The following CUX1 variants were observed in gnomAD, a reference collection of about 807,000 sequenced individuals.
CUX1 encodes protein CASP.
Under a neutral mutation model 158.8 loss-of-function variants are expected in CUX1, and 31 were observed. The observed-to-expected ratio is 0.20, with a 90% CI of 0.15 to 0.26. The LOEUF (loss-of-function observed/expected upper bound fraction) is 0.26, where lower values mean the gene tolerates loss of function less well. Ranked by LOEUF, CUX1 falls within the 10% of genes least tolerant of loss-of-function variation. CUX1 has a pLI of 1.00. For missense variants in CUX1, 1,589 were observed against 2,014.6 expected (o/e 0.79, Z 4.04); for synonymous variants, 879 against 862.1 (o/e 1.02, Z -0.34).
chr7:102,025,077 G>A (rs1490204648), intron 2 of CUX1, among the ~76,000 whole-genome samples: 4 of 152,000 alleles, frequency 2.6e-5, no homozygotes, highest in Non-Finnish European at 5.9e-5. Context: ...ATAGCATTCC[G>A]ACCTCTGCGT....
At chr7:101,853,912 G>A (rs1796534762) in intron 1 of CUX1, among the ~76,000 whole-genome samples, 2 of 152,174 alleles carry the variant, frequency 1.3e-5, no homozygotes, top group Admixed American at 6.5e-5. Context: ...GGACCTGACC[G>A]CAGTGGCATT....
chr7:102,268,109 AC>A (rs1363044164), intron 14 of CUX1, among the ~76,000 whole-genome samples: 2 of 152,040 alleles, frequency 1.3e-5, no homozygotes, highest in Non-Finnish European at 2.9e-5. Flanking sequence ...GGGCCCTTGC[AC>A]CACAGACTCC....
intron 20 of CUX1, among the ~76,000 whole-genome samples, chr7:102,221,449 G>C (rs1355215313): frequency 6.6e-6 from 1 of 152,110 alleles, no homozygotes; most frequent in African/African-American, 2.4e-5. Flanking sequence ...ATGGAATTTG[G>C]GTTCTTATTA....
At chr7:102,130,219 GGCATCACTCCCGCACAGCCCGACT>G (rs1218905732) in intron 8 of CUX1, among the ~76,000 whole-genome samples, 4 of 152,094 alleles carry the variant, frequency 2.6e-5, no homozygotes, top group African/African-American at 9.7e-5. Flanking sequence ...CGAGCTTTAT[GGCATCACTCCCGCACAGCCCGACT>G]GCATCACTCT....
chr7:102,205,303 C>G, intron 20 of CUX1, 133 bp downstream of exon 20: 2 of 685,592 alleles, frequency 2.9e-6, no homozygotes, highest in Non-Finnish European at 5.3e-6. Flanking sequence ...ATATGGCATC[C>G]TATCTGCAAA....
chr7:102,282,365 G>C (rs2132853487), intron 21 of CUX1, among the ~76,000 whole-genome samples: 1 of 152,268 alleles, frequency 6.6e-6, no homozygotes, highest in African/African-American at 2.4e-5. Context: ...GGAGAAGAGG[G>C]GTGGAAGGCT....
rs1326556932 is a variant in CUX1 at position 102,250,794 on chromosome 7, G to A, written c.*1752G>A. The A allele has an allele frequency of 2.0e-5, 20 of 985,174 alleles. No individual in the cohort carries two copies. Among genetic ancestry groups the A allele is most frequent in the Non-Finnish European group, 2.4e-5 (20 of 829,892 alleles). The allele number at this position is 985,174 out of a possible 1,614,324, so 61.0% of individuals were successfully genotyped here. The stretch of plus-strand genomic sequence containing the variant: ...CGGGTGAGAGTGTGCGTGCGTGTGC[G>A]TGTGTGCAATTTTATACGTCTGTGT... On this transcript the variant is annotated 3_prime_UTR_variant, in exon 24 of 24. Transcript: ENST00000292535.
chr7:101,835,838 C>A (rs1053443239), intron 1 of CUX1, among the ~76,000 whole-genome samples: 1 of 152,146 alleles, frequency 6.6e-6, no homozygotes, highest in Non-Finnish European at 1.5e-5. Context: ...CGGGTTCAAG[C>A]GATTCTCCTG....
intron 2 of CUX1, among the ~76,000 whole-genome samples, chr7:102,001,271 T>C (rs1420448927): frequency 6.6e-6 from 1 of 152,170 alleles, no homozygotes; most frequent in Non-Finnish European, 1.5e-5. Flanking sequence ...TGACTTACAC[T>C]TCCTCCCTCT....
chr7:102,011,400 C>T (rs749371203), intron 2 of CUX1, among the ~76,000 whole-genome samples: 11 of 151,862 alleles, frequency 7.2e-5, no homozygotes, highest in African/African-American at 2.2e-4. Context: ...TATTCTCATA[C>T]GCTGGTGATG....
chr7:102,201,493 A>G lies in CUX1; in HGVS notation c.2196A>G (p.Pro732=). The G allele has an allele frequency of 6.2e-7, 1 of 1,614,050 alleles. No homozygotes were observed. Among genetic ancestry groups the G allele is most frequent in the Non-Finnish European group, 8.5e-7 (1 of 1,179,998 alleles). ...AALDPALKQA[P]LSQSDITILT... ...TCGACCCTGCCTTAAAGCAGGCACC[A>G]CTGTCCCAGAGTGACATCACCATCC... The change falls in exon 18 of 24, where the codon CCA becomes CCG. Residue 732 remains proline (P), a synonymous_variant. Transcript: ENST00000292535. The surrounding 1 kb of genome is among the most constrained non-coding windows in gnomAD (Gnocchi z 5.0).
At chr7:101,936,590 AAG>A (rs1335673873) in intron 2 of CUX1, among the ~76,000 whole-genome samples, 3 of 152,120 alleles carry the variant, frequency 2.0e-5, no homozygotes, top group Non-Finnish European at 4.4e-5. Flanking sequence ...CAGGGGACAG[AAG>A]AGAGGAAAGC....
In CUX1 at chr7:101,916,270, T is replaced by A. The variant is rs779416290; in HGVS notation, c.141+45T>A. On this transcript the variant is annotated intron_variant, in intron 2 of 23. Transcript: ENST00000292535. The surrounding 1 kb of genome is among the most constrained non-coding windows in gnomAD (Gnocchi z 4.4). ...TGTTCGCTTTGAAGGGATCTTAGAA[T>A]GCTGGTGCATGTTCAGGCGACGCTC... 4.9e-6 allele frequency: 6 copies of A among 1,224,080 alleles called. No individual in the cohort carries two copies. Among genetic ancestry groups the A allele is most frequent in the Non-Finnish European group, 7.3e-6 (6 of 825,288 alleles). The allele number at this position is 1,224,080 out of a possible 1,614,324, so 75.8% of individuals were successfully genotyped here. A position where few individuals can be genotyped will look rare whatever the true frequency, so the allele number is the denominator to read the frequency against.
chr7:101,979,138 C>T (rs1462774964), intron 2 of CUX1, among the ~76,000 whole-genome samples: 1 of 152,136 alleles, frequency 6.6e-6, no homozygotes, highest in African/African-American at 2.4e-5. Flanking sequence ...TGTAGGCTCT[C>T]GGGAACATGT....
At chr7:102,154,926 C>T (rs555528960) in intron 8 of CUX1, among the ~76,000 whole-genome samples, 1 of 152,356 alleles carries the variant, frequency 6.6e-6, no homozygotes, top group East Asian at 1.9e-4. Context: ...TCCCCATCCA[C>T]CTCCCAAGTT....
intron 1 of CUX1, among the ~76,000 whole-genome samples, chr7:101,874,319 A>G (rs369756413): frequency 3.3e-5 from 5 of 152,344 alleles, no homozygotes; most frequent in South Asian, 4.1e-4. Context: ...GTCCTATTCA[A>G]TTAATCCTCA....
chr7:102,163,760 C>A (rs1192473935), intron 9 of CUX1, among the ~76,000 whole-genome samples: 1 of 152,186 alleles, frequency 6.6e-6, no homozygotes, highest in Non-Finnish European at 1.5e-5. Flanking sequence ...CAGTCCAACA[C>A]TGGTGCAGGT....
At chr7:102,022,166 G>A (rs771864262) in intron 2 of CUX1, among the ~76,000 whole-genome samples, 1 of 152,178 alleles carries the variant, frequency 6.6e-6, no homozygotes, top group East Asian at 1.9e-4. Context: ...TACGTTACAG[G>A]TGCAATTGAA....
At chr7:101,917,735 G>A (rs954823015) in intron 2 of CUX1, among the ~76,000 whole-genome samples, 5 of 152,134 alleles carry the variant, frequency 3.3e-5, no homozygotes, top group South Asian at 2.1e-4. Flanking sequence ...CACATCCATC[G>A]TGCTAGCTCC....
Sources: allele counts gnomAD v4.1 joint callset (sites outside exome capture counted in the v4.1 genomes callset), GRCh38; gene constraint gnomAD v4.1.1; non-coding constraint Gnocchi (gnomAD v3.1); transcripts MANE v1.5; gene names NCBI Gene and HGNC (gene_info 2026-07-23, HGNC 2026-07-21).